The following GPR146 variants were observed in gnomAD, a reference collection of about 807,000 sequenced individuals.
GPR146 encodes the protein G-protein coupled receptor 146.
For missense variants in GPR146, 381 were observed against 213.9 expected (o/e 1.78, Z -4.87); for synonymous variants, 203 against 104.3 (o/e 1.95, Z -5.77).
rs937499810 is a variant in GPR146, at chr7:1,046,830, G to C, written c.-25+2172G>C. Among the ~76,000 whole-genome samples the C allele has an allele frequency of 9.2e-5, 14 of 152,186 alleles. 1 individual carries two copies. The highest frequency in any genetic ancestry group is 8.5e-4 in the Admixed American group (13 of 15,282). ...AAAGCAAGCCTTGCAGACCACTGTC[G>C]CTACCACAGCTAGTGTGATGAGGAG... On this transcript the variant is annotated intron_variant, in intron 1 of 1. Transcript: ENST00000444847.
rs181969496 is a variant in GPR146 at position 1,053,687 on chromosome 7, T to C, written c.-24-3805T>C. ...TACTGAAAATACAAAATTAGCTGGG[T>C]GTGGTGGCAGTCGCCTGTAATCCCA... On this transcript the variant is annotated intron_variant, in intron 1 of 1. Transcript: ENST00000444847. Among the ~76,000 whole-genome samples, 192 of 152,094 alleles carry C rather than the reference T, an allele frequency of 1.3e-3. 2 individuals carry two copies. The highest frequency in any genetic ancestry group is 4.1e-3 in the African/African-American group (170 of 41,492).
chr7:1,057,297 A>C (rs1783909137), intron 1 of GPR146, among the ~76,000 whole-genome samples, 195 bp from the exon 2 acceptor site: 1 of 152,158 alleles, frequency 6.6e-6, no homozygotes, highest in East Asian at 1.9e-4. Context: ...CAGCCACAGC[A>C]GCCCCCGGTC....
chr7:1,058,259 A>G lies in GPR146; in HGVS notation c.744A>G (p.Pro248=), dbSNP rs61910751. Residue 248 remains proline (P), a synonymous_variant, in exon 2 of 2, where the codon CCA becomes CCG. Coordinates refer to ENST00000444847, the MANE Select transcript of GPR146 (RefSeq NM_001303473.2). ...GCACGCAGTTTGGGCTCTGGACGCC[A>G]CACTATCTGATCCTGCTGGGGCACA... The part of the protein sequence containing the change: ...TVCTQFGLWT[P]HYLILLGHTV... The G allele has an allele frequency of 0.13, 103,790 of 770,586 alleles. 8,168 individuals are homozygous for G. Among genetic ancestry groups the G allele is most frequent in the Middle Eastern group, 0.24 (1,049 of 4,434 alleles). The allele number at this position is 770,586 out of a possible 1,614,324, so 47.7% of individuals were successfully genotyped here.
At chr7:1,047,171 A>G (rs1490637679) in intron 1 of GPR146, among the ~76,000 whole-genome samples, 1 of 152,272 alleles carries the variant, frequency 6.6e-6, no homozygotes, top group Admixed American at 6.5e-5. Context: ...ACCTTCCTCC[A>G]GGGAACTGGC....
At chr7:1,055,455 C>A (rs1447722193) in intron 1 of GPR146, 2 of 462,788 alleles carry the variant, frequency 4.3e-6, no homozygotes, top group Non-Finnish European at 8.8e-6. Flanking sequence ...GGGCCCACAG[C>A]ACCAAGAGGC....
intron 1 of GPR146, among the ~76,000 whole-genome samples, chr7:1,048,640 A>G (rs182454924): frequency 3.2e-4 from 48 of 152,214 alleles, no homozygotes; most frequent in Admixed American, 7.8e-4. Flanking sequence ...TTATTAACAG[A>G]CTGTTTGATA....
At position 1,058,297 on chromosome 7, in the gene GPR146, C is replaced by G. The variant is rs61731818; in HGVS notation, c.782C>G (p.Ser261Trp). 4 of 774,538 alleles carry G rather than the reference C, an allele frequency of 5.2e-6. No homozygotes were observed. Among genetic ancestry groups the G allele is most frequent in the Admixed American group, 5.1e-5 (3 of 59,034 alleles). The allele number at this position is 774,538 out of a possible 1,614,324, so 48.0% of individuals were successfully genotyped here. A position where few individuals can be genotyped will look rare whatever the true frequency, so the allele number is the denominator to read the frequency against. ...CTGCTGGGGCACACGGTCATCATCT[C>G]GCGAGGGAAGCCCGTGGACGCACAC... ...LILLGHTVII[S>W]RGKPVDAHYL... Residue 261 changes from serine to tryptophan, a missense_variant, in exon 2 of 2, where the codon TCG becomes TGG. Ser to Trp is a radical substitution (Grantham distance 177). Transcript: ENST00000444847.
rs137895227 is a variant in GPR146 at position 1,058,097 on chromosome 7, C to T, written c.582C>T (p.Ile194=). The change falls in exon 2 of 2, where the codon ATC becomes ATT. Residue 194 remains isoleucine, a synonymous_variant. Transcript: ENST00000444847. ...AEAADATLVF[I]GYVVPALATL... Reference sequence around the variant, plus strand: ...CTGCCGACGCCACGCTGGTGTTCATCGGCTACGTGGTGCCAGCACTGGCCA... The same window carrying T: ...CTGCCGACGCCACGCTGGTGTTCATTGGCTACGTGGTGCCAGCACTGGCCA... 565 of 765,044 alleles carry T rather than the reference C, an allele frequency of 7.4e-4. No individual in the cohort carries two copies. The highest frequency in any genetic ancestry group is 1.2e-3 in the Admixed American group (68 of 58,870). 47.4% of individuals were successfully genotyped at this position (765,044 alleles called of 1,614,324 possible).
intron 1 of GPR146, among the ~76,000 whole-genome samples, chr7:1,055,051 C>T (rs1051549824): frequency 6.6e-6 from 1 of 152,216 alleles, no homozygotes; most frequent in Non-Finnish European, 1.5e-5. Flanking sequence ...CCCAGGCTCT[C>T]GGTGGGATGC....
At position 1,057,773 on chromosome 7, in the gene GPR146, C is replaced by T. The variant is rs765122105; in HGVS notation, c.258C>T (p.Gly86=). 1.2e-5 allele frequency: 9 copies of T among 774,858 alleles called. No homozygotes were observed. In the African/African-American group the frequency reaches 1.2e-4, roughly 10 times the overall value. 48.0% of individuals were successfully genotyped at this position (774,858 alleles called of 1,614,324 possible). The change falls in exon 2 of 2, where the codon GGC becomes GGT. Residue 86 remains glycine, a synonymous_variant. Coordinates refer to ENST00000444847, the MANE Select transcript of GPR146 (RefSeq NM_001303473.2). The part of the protein sequence containing the change: ...LSALAPVHLL[G]PPSSRWALWS... ...CCCTGGCCCCTGTGCACCTGCTCGG[C>T]CCCCCGAGCTCCCGGTGGGCGCTGT...
At chr7:1,050,186 T>C (rs1782965096) in intron 1 of GPR146, among the ~76,000 whole-genome samples, 1 of 152,206 alleles carries the variant, frequency 6.6e-6, no homozygotes. Context: ...ACCCTGTCCT[T>C]TCCCAGCCTG....
Position 1,057,839 on chromosome 7 carries a change from C to A in GPR146, c.324C>A (p.Pro108=). 1 of 777,708 alleles carries A rather than the reference C, an allele frequency of 1.3e-6. No homozygotes were observed. Among genetic ancestry groups the A allele is most frequent in the Non-Finnish European group, 2.4e-6 (1 of 418,044 alleles). 48.2% of individuals were successfully genotyped at this position (777,708 alleles called of 1,614,324 possible). The part of the protein sequence containing the change: ...GGEVHVALQI[P]FNVSSLVAMY... ...AAGTCCACGTGGCACTGCAGATCCC[C>A]TTCAATGTGTCCTCACTGGTGGCCA... The change falls in exon 2 of 2, where the codon CCC becomes CCA. Residue 108 remains proline, a synonymous_variant. Transcript: ENST00000444847.
In GPR146 at chr7:1,057,486, C is replaced by G. The variant is rs1359113545; in HGVS notation, c.-24-6C>G. Reference sequence around the variant, plus strand: ...CGAGCTGACCACCTGTTCCTTCTTTCCGCAGGGTCGCGGAGCCTCGCCGGC... The same window carrying G: ...CGAGCTGACCACCTGTTCCTTCTTTGCGCAGGGTCGCGGAGCCTCGCCGGC... On this transcript the variant is annotated splice_region_variant and splice_polypyrimidine_tract_variant and intron_variant, in intron 1 of 1. Coordinates refer to ENST00000444847, the MANE Select transcript of GPR146 (RefSeq NM_001303473.2). 1.4e-6 allele frequency: 1 copy of G among 735,678 alleles called. No individual in the cohort carries two copies. Among genetic ancestry groups the G allele is most frequent in the South Asian group, 1.5e-5 (1 of 68,106 alleles). 45.6% of individuals were successfully genotyped at this position (735,678 alleles called of 1,614,324 possible). A position where few individuals can be genotyped will look rare whatever the true frequency, so the allele number is the denominator to read the frequency against.
chr7:1,057,622 T>G lies in GPR146; in HGVS notation c.107T>G (p.Val36Gly). The change falls in exon 2 of 2, where the codon GTG (valine) becomes GGG (glycine). Residue 36 changes from valine to glycine, a missense_variant. Coordinates refer to ENST00000444847, the MANE Select transcript of GPR146 (RefSeq NM_001303473.2). ...CTGTTGTCGCTGCTGGGCCTGGTGG[T>G]GGGCGTGCCAGTGGGCCTGTGCTAC... The part of the protein sequence containing the change: ...LSLLSLLGLV[V>G]GVPVGLCYNA... 1 of 769,934 alleles carries G rather than the reference T, an allele frequency of 1.3e-6. No individual in the cohort carries two copies. The highest frequency in any genetic ancestry group is 2.4e-5 in the East Asian group (1 of 40,960). The allele number at this position is 769,934 out of a possible 1,614,324, so 47.7% of individuals were successfully genotyped here.
Position 1,057,878 on chromosome 7 carries a change from C to T in GPR146, c.363C>T (p.Ala121=). ...VSSLVAMYST[A]LLSLDHYIER... is the part of the protein sequence containing the mutation. Reference sequence around the variant, plus strand: ...CACTGGTGGCCATGTACTCCACCGCCCTGCTGAGCCTCGACCACTACATCG... The same window carrying T: ...CACTGGTGGCCATGTACTCCACCGCTCTGCTGAGCCTCGACCACTACATCG... The change falls in exon 2 of 2, where the codon GCC becomes GCT. Residue 121 remains alanine, a synonymous_variant. Transcript: ENST00000444847. 2 of 777,226 alleles carry T rather than the reference C, an allele frequency of 2.6e-6. No individual in the cohort carries two copies. The highest frequency in any genetic ancestry group is 4.8e-6 in the Non-Finnish European group (2 of 418,056). 48.1% of individuals were successfully genotyped at this position (777,226 alleles called of 1,614,324 possible). A position where few individuals can be genotyped will look rare whatever the true frequency, so the allele number is the denominator to read the frequency against.
Position 1,057,714 on chromosome 7 carries a change from G to A in GPR146, c.199G>A (p.Val67Ile), listed in dbSNP as rs1783979910. The change falls in exon 2 of 2, where the codon GTC (valine) becomes ATC (isoleucine). Residue 67 changes from valine to isoleucine, a missense_variant. Physicochemically the swap from Val to Ile is conservative, Grantham distance 29. Transcript: ENST00000444847. ...CATGACCATGCCGGACGTGTACTTT[G>A]TCAACATGGCAGTGGCAGGCCTGGT... ...ASMTMPDVYFVNMAVAGLVLS... is the reference protein window; with the variant it reads ...ASMTMPDVYFINMAVAGLVLS... 2 of 776,038 alleles carry A rather than the reference G, an allele frequency of 2.6e-6. No individual in the cohort carries two copies. Among genetic ancestry groups the A allele is most frequent in the African/African-American group, 1.7e-5 (1 of 59,238 alleles). 48.1% of individuals were successfully genotyped at this position (776,038 alleles called of 1,614,324 possible). A position where few individuals can be genotyped will look rare whatever the true frequency, so the allele number is the denominator to read the frequency against.
chr7:1,055,650 G>C (rs1256801630), intron 1 of GPR146, among the ~76,000 whole-genome samples: 2 of 152,178 alleles, frequency 1.3e-5, no homozygotes, highest in East Asian at 3.9e-4. Flanking sequence ...GAATGAAGGG[G>C]TGCCGAGACA....
At chr7:1,051,228 C>T (rs961492994) in intron 1 of GPR146, among the ~76,000 whole-genome samples, 1 of 152,232 alleles carries the variant, frequency 6.6e-6, no homozygotes, top group African/African-American at 2.4e-5. Context: ...CCCATGAACA[C>T]TGTGTCCCAA....
Position 1,055,260 on chromosome 7 carries a change from T to C in GPR146, c.-24-2232T>C, listed in dbSNP as rs1234996371. On this transcript the variant is annotated intron_variant, in intron 1 of 1. Transcript: ENST00000444847. ...CGCCTGCCAAGGGAGGCAGAGGCCC[T>C]GCGGGGAACTTACCAGAGGAAAACA... The C allele has an allele frequency of 8.5e-6, 4 of 471,128 alleles. No individual in the cohort carries two copies. In the Admixed American group the frequency reaches 9.4e-5, roughly 11 times the overall value. The allele number at this position is 471,128 out of a possible 1,614,324, so 29.2% of individuals were successfully genotyped here. A position where few individuals can be genotyped will look rare whatever the true frequency, so the allele number is the denominator to read the frequency against.
Sources: gnomAD v4.1 joint callset for allele counts (sites outside exome capture counted in the v4.1 genomes callset) on GRCh38, gnomAD v4.1.1 for gene constraint, MANE v1.5 for transcripts, NCBI Gene and HGNC (gene_info 2026-07-23, HGNC 2026-07-21) for gene names.